Variants in PPP1R17 observed in about 807,000 individuals in gnomAD.
PPP1R17 encodes the protein protein phosphatase 1 regulatory subunit 17, also known as G-substrate.
A neutral mutation model predicts 15.9 loss-of-function variants in PPP1R17; 12 were observed. The ratio of observed to expected loss-of-function variants is 0.75; its 90% CI spans 0.48 to 1.22. The LOEUF is 1.22. Among genes scored for constraint, PPP1R17 ranks in the 50% most tolerant of loss-of-function variants. PPP1R17 has a pLI of 0.00. For missense variants in PPP1R17, 211 were observed against 187.3 expected (o/e 1.13, Z -0.74); for synonymous variants, 63 against 64.5 (o/e 0.98, Z 0.11).
At chr7:31,691,261 C>T (rs983862329) in intron 1 of PPP1R17, among the ~76,000 whole-genome samples, 3 of 152,236 alleles carry the variant, frequency 2.0e-5, no homozygotes, top group South Asian at 2.1e-4. Flanking sequence ...CAGAGAAAAC[C>T]GGTTTATTCC....
intron 1 of PPP1R17, 88 bp from the exon 2 acceptor site, chr7:31,692,318 G>A: frequency 1.3e-6 from 1 of 753,726 alleles, no homozygotes; most frequent in Non-Finnish European, 2.2e-6. Flanking sequence ...ACAATAGCAG[G>A]TGCTCAACAA....
At chr7:31,696,255 A>T (rs1792578888) in intron 3 of PPP1R17, among the ~76,000 whole-genome samples, 1 of 152,126 alleles carries the variant, frequency 6.6e-6, no homozygotes, top group African/African-American at 2.4e-5. Context: ...ATTTACTGTC[A>T]TCTCTGTTCA....
At chr7:31,702,106 A>G (rs1792872329) in intron 4 of PPP1R17, among the ~76,000 whole-genome samples, 1 of 152,170 alleles carries the variant, frequency 6.6e-6, no homozygotes, top group Admixed American at 6.5e-5. Flanking sequence ...GGTACTACCT[A>G]TTAGTCTTAT....
At chr7:31,690,924 G>A (rs1792316028) in intron 1 of PPP1R17, among the ~76,000 whole-genome samples, 1 of 152,088 alleles carries the variant, frequency 6.6e-6, no homozygotes, top group African/African-American at 2.4e-5. Flanking sequence ...GTATGACTGG[G>A]CCCATGACTC....
At chr7:31,706,985 C>T (rs1258099186) in intron 4 of PPP1R17, among the ~76,000 whole-genome samples, 2 of 152,126 alleles carry the variant, frequency 1.3e-5, no homozygotes, top group Non-Finnish European at 2.9e-5. Context: ...CCAGGTGGTG[C>T]ATCCCTTTGT....
At chr7:31,700,352 TC>T (rs367786500) in intron 4 of PPP1R17, among the ~76,000 whole-genome samples, 377 of 152,224 alleles carry the variant, frequency 2.5e-3, no homozygotes, top group African/African-American at 8.9e-3. Flanking sequence ...CAAAGCCTAA[TC>T]CAGAACAAGG....
chr7:31,689,334 GC>G (rs1211431316), intron 1 of PPP1R17, among the ~76,000 whole-genome samples: 2 of 152,182 alleles, frequency 1.3e-5, no homozygotes, highest in Non-Finnish European at 1.5e-5. Context: ...GGAGGCCCTA[GC>G]TTTTTGGTTG....
chr7:31,706,284 C>T (rs2128249570), intron 4 of PPP1R17, among the ~76,000 whole-genome samples: 1 of 152,036 alleles, frequency 6.6e-6, no homozygotes, highest in South Asian at 2.1e-4. Context: ...GGATTATAGG[C>T]ATGAGCCACC....
At chr7:31,688,855 G>A (rs1388067092) in intron 1 of PPP1R17, among the ~76,000 whole-genome samples, 4 of 152,178 alleles carry the variant, frequency 2.6e-5, no homozygotes, top group Non-Finnish European at 4.4e-5. Context: ...AACCAGAAGA[G>A]TAATTCGATC....
chr7:31,691,167 A>G (rs1363325338), intron 1 of PPP1R17, among the ~76,000 whole-genome samples: 1 of 152,178 alleles, frequency 6.6e-6, no homozygotes, highest in East Asian at 1.9e-4. Flanking sequence ...GTGACTCTAA[A>G]AGCTGTGCTC....
chr7:31,695,793 T>G (rs1378179463), intron 3 of PPP1R17, among the ~76,000 whole-genome samples, 172 bp downstream of exon 3: 1 of 151,620 alleles, frequency 6.6e-6, no homozygotes, highest in African/African-American at 2.4e-5. Context: ...AACAGATACA[T>G]TCTAAAATAT....
At chr7:31,690,972 A>T (rs1469661415) in intron 1 of PPP1R17, among the ~76,000 whole-genome samples, 1 of 152,142 alleles carries the variant, frequency 6.6e-6, no homozygotes, top group Non-Finnish European at 1.5e-5. Context: ...ATAGGTGCAT[A>T]AGACCATATC....
At position 31,706,557 on chromosome 7, in the gene PPP1R17, G is replaced by A. The variant is rs140817012; in HGVS notation, c.389-647G>A. 3.0e-3 allele frequency among the ~76,000 whole-genome samples: 464 copies of A among 152,238 alleles called. 7 individuals carry two copies. Among genetic ancestry groups the A allele is most frequent in the African/African-American group, 0.011 (447 of 41,552 alleles). ...TCATTTTGCTCTGAACCATGTGAAC[G>A]TCATCACCTCCTGGTACAGTACTGA... On this transcript the variant is annotated intron_variant, in intron 4 of 4. Coordinates refer to ENST00000342032, the MANE Select transcript of PPP1R17 (RefSeq NM_006658.5).
At chr7:31,704,956 T>C (rs1793004224) in intron 4 of PPP1R17, among the ~76,000 whole-genome samples, 1 of 152,194 alleles carries the variant, frequency 6.6e-6, no homozygotes, top group South Asian at 2.1e-4. Flanking sequence ...TCGTGACATG[T>C]AGATACTCCT....
intron 4 of PPP1R17, among the ~76,000 whole-genome samples, chr7:31,703,934 G>A (rs1449444553): frequency 6.6e-6 from 1 of 152,200 alleles, no homozygotes; most frequent in Non-Finnish European, 1.5e-5. Flanking sequence ...TTAGCCTACA[G>A]TTGCCAGGGG....
chr7:31,697,750 G>GA (rs1792660750), intron 4 of PPP1R17, among the ~76,000 whole-genome samples: 1 of 152,122 alleles, frequency 6.6e-6, no homozygotes, highest in Non-Finnish European at 1.5e-5. Flanking sequence ...TGACGGAGGG[G>GA]AAAATATGCT....
intron 2 of PPP1R17, among the ~76,000 whole-genome samples, chr7:31,693,546 C>T (rs996812393): frequency 6.6e-6 from 1 of 152,172 alleles, no homozygotes; most frequent in Non-Finnish European, 1.5e-5. Flanking sequence ...GTTTCCTCAT[C>T]TTCAACATGG....
rs764177257 is a variant in PPP1R17, at chr7:31,696,960, T to C, written c.236-5T>C. The C allele has an allele frequency of 1.9e-6, 3 of 1,613,916 alleles. No individual in the cohort carries two copies. Among genetic ancestry groups the C allele is most frequent in the Non-Finnish European group, 2.5e-6 (3 of 1,179,868 alleles). On this transcript the variant is annotated splice_polypyrimidine_tract_variant and splice_region_variant and intron_variant, in intron 3 of 4. Transcript: ENST00000342032. ...GTTTCTCTCTGTGTTCCCCTAACCA[T>C]GCAGGTGTGTTTTCAGAACATTTAA...
At position 31,697,043 on chromosome 7, in the gene PPP1R17, A is replaced by T. The variant is rs1188418233; in HGVS notation, c.314A>T (p.His105Leu). 1 of 1,614,184 alleles carries T rather than the reference A, an allele frequency of 6.2e-7. No individual in the cohort carries two copies. Among genetic ancestry groups the T allele is most frequent in the Non-Finnish European group, 8.5e-7 (1 of 1,180,018 alleles). The change falls in exon 4 of 5, where the codon CAT (histidine) becomes CTT (leucine). Residue 105 changes from histidine to leucine, a missense_variant. Physicochemically the swap from His to Leu is moderately conservative, Grantham distance 99. Coordinates refer to ENST00000342032, the MANE Select transcript of PPP1R17 (RefSeq NM_006658.5). ...HPKGKMIPVL[H>L]NTDLEQKKPR... ...AAGGGCAAAATGATCCCTGTTCTTC[A>T]TAACACTGACCTGGAACAGAAAAAG... is the stretch of plus-strand genomic sequence containing the variant.
Sources: gnomAD v4.1 joint callset for allele counts (sites outside exome capture counted in the v4.1 genomes callset) on GRCh38, gnomAD v4.1.1 for gene constraint, MANE v1.5 for transcripts, NCBI Gene and HGNC (gene_info 2026-07-23, HGNC 2026-07-21) for gene names.